TTLL5: variants seen among roughly 807,000 people sequenced by gnomAD.
TTLL5 encodes the protein tubulin polyglutamylase TTLL5.
A neutral mutation model predicts 168.4 loss-of-function variants in TTLL5; 132 were observed. The observed-to-expected ratio is 0.78, with a 90% CI of 0.68 to 0.91. TTLL5 has a LOEUF of 0.91. TTLL5 is among the 40% of genes least tolerant of loss of function. The pLI, the probability that TTLL5 is intolerant of heterozygous loss-of-function variation, is 0.00. For missense variants in TTLL5, 1,545 were observed against 1,581.5 expected (o/e 0.98, Z 0.39); for synonymous variants, 546 against 558.6 (o/e 0.98, Z 0.32).
chr14:75,860,643 G>GT (rs1457504879), intron 28 of TTLL5, among the ~76,000 whole-genome samples: 1 of 152,108 alleles, frequency 6.6e-6, no homozygotes, highest in Admixed American at 6.5e-5. Context: ...AGCTAAAGCA[G>GT]TTTCTTCTTT....
At chr14:75,758,821 G>A (rs547080399) in intron 18 of TTLL5, among the ~76,000 whole-genome samples, 48 of 152,246 alleles carry the variant, frequency 3.2e-4, no homozygotes, top group Non-Finnish European at 5.3e-4. Context: ...AGGAAAATTA[G>A]AAAATACTTT....
Position 75,930,796 on chromosome 14 carries a change from T to C in TTLL5, c.3824-23628T>C, listed in dbSNP as rs116839129. ...TTAGCCGGACAATCCTAACATCATT[T>C]AAAAGTCTGGCTATGATAAATCTTT... On this transcript the variant is annotated intron_variant, in intron 31 of 31. Transcript: ENST00000298832. 5.6e-3 allele frequency among the ~76,000 whole-genome samples: 852 copies of C among 152,356 alleles called. 14 individuals are homozygous for C. Among genetic ancestry groups the C allele is most frequent in the South Asian group, 0.027 (130 of 4,832 alleles).
At chr14:75,903,378 G>A (rs562408544) in intron 31 of TTLL5, among the ~76,000 whole-genome samples, 1 of 152,112 alleles carries the variant, frequency 6.6e-6, no homozygotes, top group South Asian at 2.1e-4. Flanking sequence ...AAGTGAAAAC[G>A]TGCTGTGTTC....
chr14:75,779,699 G>C lies in TTLL5; in HGVS notation c.2512G>C (p.Gly838Arg). ...NNNYSDSGAK[G>R]DHPETIMEEV... ...CAATTATTCTGATAGTGGGGCAAAA[G>C]GTGGTAAGTATACTGGTTAATGAAC... Residue 838 changes from glycine to arginine, a missense_variant, in exon 24 of 32, where the codon GGT (glycine) becomes CGT (arginine). Transcript: ENST00000298832. 1 of 1,610,824 alleles carries C rather than the reference G, an allele frequency of 6.2e-7. No individual in the cohort carries two copies. Among genetic ancestry groups the C allele is most frequent in the Non-Finnish European group, 8.5e-7 (1 of 1,179,070 alleles).
rs141614130 is a variant in TTLL5 at position 75,699,206 on chromosome 14, G to A, written c.521G>A (p.Arg174Gln). The change falls in exon 7 of 32, where the codon CGG becomes CAG. Residue 174 changes from arginine (R) to glutamine (Q), a missense_variant. By Grantham distance (43) the Arg-to-Gln change is conservative. Coordinates refer to ENST00000298832, the MANE Select transcript of TTLL5 (RefSeq NM_015072.5). ...TGAGCAGATTCATATTCGAAGGACC[G>A]GGGACCTTGGATAGTAAAACCAGTG... The part of the protein sequence containing the change: ...AEFCNSYSKD[R>Q]GPWIVKPVAS... 83 of 1,613,442 alleles carry A rather than the reference G, an allele frequency of 5.1e-5. No individual in the cohort carries two copies. In the African/African-American group the frequency reaches 6.4e-4, roughly 12 times the overall value.
intron 30 of TTLL5, among the ~76,000 whole-genome samples, chr14:75,887,844 C>T (rs138228730): frequency 6.6e-6 from 1 of 152,270 alleles, no homozygotes; most frequent in East Asian, 1.9e-4. Context: ...ACTTAAATGA[C>T]CAGGAAATAC....
At chr14:75,692,135 C>T (rs898756915) in intron 6 of TTLL5, among the ~76,000 whole-genome samples, 1 of 152,088 alleles carries the variant, frequency 6.6e-6, no homozygotes, top group African/African-American at 2.4e-5. Context: ...CCTTAATGTC[C>T]GCATCTATAA....
chr14:75,740,267 C>T (rs1889170978), intron 15 of TTLL5, among the ~76,000 whole-genome samples: 1 of 152,154 alleles, frequency 6.6e-6, no homozygotes, highest in South Asian at 2.1e-4. Context: ...AAGCATTCTT[C>T]ATACTATTCT....
chr14:75,889,168 G>A (rs1160514872), intron 30 of TTLL5, among the ~76,000 whole-genome samples: 1 of 152,100 alleles, frequency 6.6e-6, no homozygotes, highest in East Asian at 1.9e-4. Flanking sequence ...TGAAAAATTG[G>A]GCTGAACACA....
chr14:75,792,935 G>A lies in TTLL5; in HGVS notation c.3006G>A (p.Lys1002=), dbSNP rs756083709. 1.1e-5 allele frequency: 18 copies of A among 1,607,942 alleles called. No individual in the cohort carries two copies. In the Admixed American group the frequency reaches 1.8e-4, roughly 16 times the overall value. ...SAKAGSCYLN[K]HHSGIAKTQK... ...TAGCAGGATCGTGCTATCTAAACAA[G>A]CATCATTCAGGAATAGCCAAAACAC... The change falls in exon 27 of 32, where the codon AAG becomes AAA. Residue 1002 remains lysine (K), a synonymous_variant. Coordinates refer to ENST00000298832, the MANE Select transcript of TTLL5 (RefSeq NM_015072.5).
chr14:75,746,303 T>C (rs1473106097), intron 17 of TTLL5, among the ~76,000 whole-genome samples: 6 of 152,232 alleles, frequency 3.9e-5, no homozygotes, highest in African/African-American at 1.4e-4. Flanking sequence ...TTGTTGAATA[T>C]ACCAGAATAT....
intron 12 of TTLL5, among the ~76,000 whole-genome samples, chr14:75,729,351 C>T (rs928928362): frequency 1.3e-5 from 2 of 152,134 alleles, no homozygotes; most frequent in African/African-American, 4.8e-5. Flanking sequence ...CCAAAACACT[C>T]AATATTAAAA....
intron 20 of TTLL5, among the ~76,000 whole-genome samples, chr14:75,768,151 TA>T (rs1328276195): frequency 6.6e-6 from 1 of 152,064 alleles, no homozygotes; most frequent in Non-Finnish European, 1.5e-5. Context: ...TCAGCAAGGA[TA>T]AAAAAAGAAT....
At chr14:75,913,816 C>A (rs2033483535) in intron 31 of TTLL5, among the ~76,000 whole-genome samples, 1 of 151,344 alleles carries the variant, frequency 6.6e-6, no homozygotes, top group Non-Finnish European at 1.5e-5. Flanking sequence ...GAGTTCAAGA[C>A]CAGCGTGGCC....
At chr14:75,805,590 T>G (rs1401875227) in intron 27 of TTLL5, among the ~76,000 whole-genome samples, 1 of 152,242 alleles carries the variant, frequency 6.6e-6, no homozygotes, top group East Asian at 1.9e-4. Flanking sequence ...GTTTGAGCCT[T>G]TGCTGAGAGT....
chr14:75,870,765 A>G (rs577562872), intron 29 of TTLL5, among the ~76,000 whole-genome samples: 1 of 150,750 alleles, frequency 6.6e-6, no homozygotes, highest in African/African-American at 2.4e-5. Flanking sequence ...CACAGATGAC[A>G]TGTTTGCTTA....
intron 27 of TTLL5, among the ~76,000 whole-genome samples, chr14:75,815,991 C>G (rs963382692): frequency 2.6e-5 from 4 of 152,198 alleles, no homozygotes; most frequent in African/African-American, 9.7e-5. Flanking sequence ...AGACCACATG[C>G]GCTGGAAGGC....
At chr14:75,839,547 G>A (rs1896103217) in intron 28 of TTLL5, among the ~76,000 whole-genome samples, 1 of 152,220 alleles carries the variant, frequency 6.6e-6, no homozygotes, top group African/African-American at 2.4e-5. Context: ...CCTCTTCACA[G>A]GGCGGCAGGA....
chr14:75,757,288 G>A (rs1008299562), intron 18 of TTLL5, among the ~76,000 whole-genome samples: 1 of 151,982 alleles, frequency 6.6e-6, no homozygotes, highest in African/African-American at 2.4e-5. Flanking sequence ...TTTTAATAGA[G>A]ATTTTTTTTT....
Sources: allele counts gnomAD v4.1 joint callset (sites outside exome capture counted in the v4.1 genomes callset), GRCh38; gene constraint gnomAD v4.1.1; transcripts MANE v1.5; gene names NCBI Gene and HGNC (gene_info 2026-07-23, HGNC 2026-07-21).